Variants in MAP3K14 observed in about 807,000 individuals in gnomAD.
MAP3K14 encodes the protein NF-kappa-beta-inducing kinase.
Under a neutral mutation model 99.2 loss-of-function variants are expected in MAP3K14, and 16 were observed. That is an observed-to-expected ratio of 0.16 (90% confidence interval 0.11 to 0.24). The LOEUF (loss-of-function observed/expected upper bound fraction) is 0.24, where lower values mean the gene tolerates loss of function less well. Among genes scored for constraint, MAP3K14 ranks in the 10% least tolerant of loss-of-function variants. MAP3K14 has a pLI of 1.00. For synonymous variants in MAP3K14, 462 were observed against 492.4 expected (o/e 0.94, Z 0.82); for missense variants, 784 against 1,208.7 (o/e 0.65, Z 5.21).
chr17:45,307,374 C>A (rs960221134), intron 1 of MAP3K14, among the ~76,000 whole-genome samples: 2 of 151,894 alleles, frequency 1.3e-5, no homozygotes, highest in African/African-American at 4.8e-5. Flanking sequence ...TGGGGGCTGC[C>A]CTGTATGCCA....
intron 1 of MAP3K14, among the ~76,000 whole-genome samples, chr17:45,293,633 G>T (rs1254917544): frequency 6.6e-6 from 1 of 152,220 alleles, no homozygotes; most frequent in Non-Finnish European, 1.5e-5. Flanking sequence ...AAAACAGGCT[G>T]ACCCTCACCT....
intron 9 of MAP3K14, among the ~76,000 whole-genome samples, chr17:45,271,534 G>A (rs1481386987): frequency 6.6e-6 from 1 of 152,044 alleles, no homozygotes; most frequent in African/African-American, 2.4e-5. Flanking sequence ...TTGTAGAGAT[G>A]GGGTTTCACC....
intron 1 of MAP3K14, among the ~76,000 whole-genome samples, chr17:45,304,401 G>T (rs1172693659): frequency 6.6e-6 from 1 of 151,962 alleles, no homozygotes; most frequent in South Asian, 2.1e-4. Context: ...TCACTTATAC[G>T]TAATAATGGA....
intron 1 of MAP3K14, among the ~76,000 whole-genome samples, chr17:45,308,672 T>TC (rs1491465959): frequency 7.4e-6 from 1 of 135,812 alleles, no homozygotes; most frequent in Non-Finnish European, 1.6e-5. Context: ...CCAGCTAATC[T>TC]TTTTTTTTTT....
intron 1 of MAP3K14, among the ~76,000 whole-genome samples, chr17:45,303,882 T>C (rs1598264341): frequency 6.6e-6 from 1 of 152,120 alleles, no homozygotes; most frequent in East Asian, 1.9e-4. Context: ...GTGCCTGGCC[T>C]AGTTTGGGAC....
In MAP3K14 at chr17:45,275,482, CAAAAAA is replaced by C. The variant is rs147032902; in HGVS notation, c.1291-895_1291-890del. Among the ~76,000 whole-genome samples the C allele has an allele frequency of 2.5e-5, 3 of 119,408 alleles. 1 individual carries two copies. The highest frequency in any genetic ancestry group is 9.9e-5 in the African/African-American group (3 of 30,264). 78.3% of individuals were successfully genotyped at this position (119,408 alleles called of 152,430 possible). ...CTGGCGACAGAGTGAGACTCCATCTCAAAAAAAAAAAACAAAAAAAAACCCACAAAA... is the reference window on the plus strand; with the variant it reads ...CTGGCGACAGAGTGAGACTCCATCTCAAAAAACAAAAAAAAACCCACAAAA... On this transcript the variant is annotated intron_variant, in intron 6 of 15. Coordinates refer to ENST00000344686, the MANE Select transcript of MAP3K14 (RefSeq NM_003954.5).
At chr17:45,271,387 C>T (rs913435756) in intron 9 of MAP3K14, among the ~76,000 whole-genome samples, 166 bp from the exon 10 acceptor site, 19 of 152,104 alleles carry the variant, frequency 1.2e-4, no homozygotes, top group African/African-American at 4.6e-4. Context: ...GCTCTGTCAC[C>T]CAGGCTGGAG....
Position 45,264,378 on chromosome 17 carries a change from C to T in MAP3K14, c.*258G>A, listed in dbSNP as rs2044050513. Reference sequence around the variant, plus strand: ...GGGCAGAGAAGATCCTGTTTGTTTCCCGAGGTAACTCCTGCCATCCTCCTC... The same window carrying T: ...GGGCAGAGAAGATCCTGTTTGTTTCTCGAGGTAACTCCTGCCATCCTCCTC... On this transcript the variant is annotated 3_prime_UTR_variant, in exon 16 of 16. Transcript: ENST00000344686. 4.3e-6 allele frequency: 2 copies of T among 464,226 alleles called. No homozygotes were observed. The highest frequency in any genetic ancestry group is 4.0e-5 in the African/African-American group (2 of 50,266). The allele number at this position is 464,226 out of a possible 1,614,324, so 28.8% of individuals were successfully genotyped here. A position where few individuals can be genotyped will look rare whatever the true frequency, so the allele number is the denominator to read the frequency against.
rs1448036598 is a variant in MAP3K14 at position 45,286,306 on chromosome 17, C to T, written c.1152+125G>A. 1.7e-6 allele frequency: 2 copies of T among 1,180,384 alleles called. No homozygotes were observed. Among genetic ancestry groups the T allele is most frequent in the Non-Finnish European group, 2.3e-6 (2 of 856,872 alleles). The allele number at this position is 1,180,384 out of a possible 1,614,324, so 73.1% of individuals were successfully genotyped here. A position where few individuals can be genotyped will look rare whatever the true frequency, so the allele number is the denominator to read the frequency against. ...CGGAATAAGAGATGATACTTTTCAT[C>T]CACAATGAGCACTGTCCTACTGTTT... On this transcript the variant is annotated intron_variant, in intron 5 of 15. Transcript: ENST00000344686. The surrounding 1 kb of genome is among the most constrained non-coding windows in gnomAD (Gnocchi z 4.1).
At chr17:45,266,372 G>A in intron 14 of MAP3K14, 165 bp downstream of exon 14, 7 of 815,180 alleles carry the variant, frequency 8.6e-6, no homozygotes, top group Non-Finnish European at 1.3e-5. Flanking sequence ...TGGGACCTTT[G>A]CTTGAAACCC....
chr17:45,290,749 C>T lies in MAP3K14; in HGVS notation c.-4G>A, dbSNP rs2044303878. ...AGGCCATTTCCATCACTGCCATCTC[C>T]CAGGCTTGTGCTCATCCTGAGAGAG... is the stretch of plus-strand genomic sequence containing the variant. On this transcript the variant is annotated 5_prime_UTR_variant, in exon 2 of 16. Coordinates refer to ENST00000344686, the MANE Select transcript of MAP3K14 (RefSeq NM_003954.5). 1 of 1,612,692 alleles carries T rather than the reference C, an allele frequency of 6.2e-7. No homozygotes were observed. Among genetic ancestry groups the T allele is most frequent in the Admixed American group, 1.7e-5 (1 of 59,928 alleles).
intron 1 of MAP3K14, among the ~76,000 whole-genome samples, chr17:45,308,959 G>A (rs186025871): frequency 1.9e-4 from 28 of 150,430 alleles, no homozygotes; most frequent in Admixed American, 1.8e-3. Flanking sequence ...GAGCCACTGC[G>A]CCTGGCAATG....
At chr17:45,297,716 CTTT>C (rs34809589) in intron 1 of MAP3K14, among the ~76,000 whole-genome samples, 28 of 110,916 alleles carry the variant, frequency 2.5e-4, no homozygotes, top group African/African-American at 4.7e-4. Flanking sequence ...TGGTTTAAAT[CTTT>C]TTTTTTTTTT....
At chr17:45,274,729 C>G in intron 6 of MAP3K14, 136 bp from the exon 7 acceptor site, 1 of 1,037,738 alleles carries the variant, frequency 9.6e-7, no homozygotes, top group Non-Finnish European at 1.4e-6. Flanking sequence ...GCCTGGGGGG[C>G]CTGCTGGACC....
chr17:45,293,301 T>C (rs952704512), intron 1 of MAP3K14, among the ~76,000 whole-genome samples: 3 of 152,184 alleles, frequency 2.0e-5, no homozygotes, highest in African/African-American at 7.2e-5. Context: ...ATAGCCTGTC[T>C]CCGCCTGGCA....
intron 15 of MAP3K14, 138 bp downstream of exon 15, chr17:45,265,025 C>G: frequency 7.2e-6 from 6 of 832,898 alleles, no homozygotes; most frequent in Middle Eastern, 3.5e-4. Context: ...CTTTGAGGTC[C>G]TGGGGGACGT....
rs2143752893 is a variant in MAP3K14, at chr17:45,263,840, G to A, written c.*796C>T. Reference sequence around the variant, plus strand: ...ATCACCCTTCACCTTTACAGATGAGGGAACTGAGTGCCAGCGAGTCTGGGG... The same window carrying A: ...ATCACCCTTCACCTTTACAGATGAGAGAACTGAGTGCCAGCGAGTCTGGGG... On this transcript the variant is annotated 3_prime_UTR_variant, in exon 16 of 16. Transcript: ENST00000344686. 6.6e-6 allele frequency: 1 copy of A among 152,508 alleles called. No homozygotes were observed. Among genetic ancestry groups the A allele is most frequent in the South Asian group, 2.1e-4 (1 of 4,830 alleles). 9.4% of individuals were successfully genotyped at this position (152,508 alleles called of 1,614,324 possible). A position where few individuals can be genotyped will look rare whatever the true frequency, so the allele number is the denominator to read the frequency against.
At chr17:45,309,275 C>G (rs1340057491) in intron 1 of MAP3K14, among the ~76,000 whole-genome samples, 3 of 152,254 alleles carry the variant, frequency 2.0e-5, no homozygotes, top group Non-Finnish European at 4.4e-5. Flanking sequence ...TGTTCCCACC[C>G]AGGCACCTGC....
chr17:45,283,361 AACTCAGCACGC>A (rs1395796550), intron 6 of MAP3K14, among the ~76,000 whole-genome samples: 1 of 152,206 alleles, frequency 6.6e-6, no homozygotes. Flanking sequence ...ACTCGGCAAG[AACTCAGCACGC>A]ACTCAGCACG....
Sources: allele counts gnomAD v4.1 joint callset (sites outside exome capture counted in the v4.1 genomes callset), GRCh38; gene constraint gnomAD v4.1.1; non-coding constraint Gnocchi (gnomAD v3.1); transcripts MANE v1.5; gene names NCBI Gene and HGNC (gene_info 2026-07-23, HGNC 2026-07-21).